The following ATP6V0D2 variants were observed in gnomAD, a reference collection of about 807,000 sequenced individuals.
ATP6V0D2 encodes ATPase H+ transporting V0 subunit d2, also known as V-type proton ATPase subunit d 2.
ATP6V0D2 carries 40 observed loss-of-function variants against 40.0 expected under a neutral mutation model. That is an observed-to-expected ratio of 1.00 (90% CI 0.78 to 1.30). The LOEUF (loss-of-function observed/expected upper bound fraction) is 1.30. Among genes scored for constraint, ATP6V0D2 ranks in the 50% most tolerant of loss-of-function variants. ATP6V0D2 has a pLI of 0.00. For missense variants in ATP6V0D2, 470 were observed against 423.1 expected (o/e 1.11, Z -0.97); for synonymous variants, 179 against 156.3 (o/e 1.15, Z -1.08).
intron 5 of ATP6V0D2, among the ~76,000 whole-genome samples, chr8:86,147,303 T>C (rs1031826430): frequency 1.3e-5 from 2 of 152,200 alleles, no homozygotes; most frequent in Non-Finnish European, 2.9e-5. Context: ...GTTTATGATG[T>C]GCAACCGATA....
chr8:86,118,623 C>T (rs1470195321), intron 2 of ATP6V0D2, among the ~76,000 whole-genome samples: 1 of 152,106 alleles, frequency 6.6e-6, no homozygotes, highest in East Asian at 1.9e-4. Flanking sequence ...GAGAGAGGCT[C>T]TGCAAGCAGT....
In ATP6V0D2 at chr8:86,113,769, C is replaced by A. The variant is rs752204228; in HGVS notation, c.191C>A (p.Pro64His). Residue 64 changes from proline to histidine, a missense_variant, in exon 2 of 8, where the codon CCT (proline) becomes CAT (histidine). By Grantham distance (77) the Pro-to-His change is moderately conservative (BLOSUM62 -2). Transcript: ENST00000285393. The part of the protein sequence containing the change: ...YGNFLANHTN[P>H]LTVSKIDTEM... ...AACTTTTTGGCTAATCACACAAATC[C>A]TCTTACTGTTTCCAAAATTGACACT... The A allele has an allele frequency of 9.3e-6, 15 of 1,613,784 alleles. No individual in the cohort carries two copies. Among genetic ancestry groups the A allele is most frequent in the Non-Finnish European group, 1.3e-5 (15 of 1,179,804 alleles).
At chr8:86,152,412 G>A (rs1190392702) in intron 7 of ATP6V0D2, among the ~76,000 whole-genome samples, 1 of 152,152 alleles carries the variant, frequency 6.6e-6, no homozygotes, top group African/African-American at 2.4e-5. Context: ...ATAGTAGGAT[G>A]ATTTATAATC....
At chr8:86,116,983 A>G (rs1415351986) in intron 2 of ATP6V0D2, among the ~76,000 whole-genome samples, 2 of 152,110 alleles carry the variant, frequency 1.3e-5, no homozygotes, top group Admixed American at 6.5e-5. Context: ...TGATCATTTC[A>G]TATTTATTAT....
chr8:86,118,872 T>G (rs1818630375), intron 2 of ATP6V0D2, among the ~76,000 whole-genome samples: 1 of 152,164 alleles, frequency 6.6e-6, no homozygotes, highest in Non-Finnish European at 1.5e-5. Flanking sequence ...CCATCACCAT[T>G]CTAAGGATGA....
intron 2 of ATP6V0D2, among the ~76,000 whole-genome samples, chr8:86,136,571 A>G (rs1369377198): frequency 1.3e-5 from 2 of 152,298 alleles, no homozygotes; most frequent in East Asian, 1.9e-4. Flanking sequence ...CTAAAATTCC[A>G]TAATGTCTAA....
chr8:86,129,935 C>CCACA (rs144267038), intron 2 of ATP6V0D2, among the ~76,000 whole-genome samples: 2,104 of 148,574 alleles, frequency 0.014, 62 homozygotes, highest in African/African-American at 0.049. Context: ...TGTGATTGTA[C>CCACA]CACAGCACTC....
At chr8:86,119,262 A>C (rs1818637207) in intron 2 of ATP6V0D2, among the ~76,000 whole-genome samples, 1 of 124,742 alleles carries the variant, frequency 8.0e-6, no homozygotes. Flanking sequence ...AGATGGAGTC[A>C]CTCTCACCCA....
rs1041907717 is a variant in ATP6V0D2 at position 86,151,538 on chromosome 8, G to A, written c.889G>A (p.Glu297Lys). ...ATTGGAGGACGTGTTTTACGAGCGT[G>A]AGGTATGATATAAGTGGAAATACTA... ...KTLEDVFYEREVQMNVLAFNR... is the reference protein window; with the variant it reads ...KTLEDVFYERKVQMNVLAFNR... The change falls in exon 7 of 8, where the codon GAG (glutamate) becomes AAG (lysine). Residue 297 changes from glutamate to lysine, a missense_variant and splice_region_variant. Coordinates refer to ENST00000285393, the MANE Select transcript of ATP6V0D2 (RefSeq NM_152565.1). 1 of 1,604,670 alleles carries A rather than the reference G, an allele frequency of 6.2e-7. No homozygotes were observed.
chr8:86,121,309 C>T (rs1290530240), intron 2 of ATP6V0D2, among the ~76,000 whole-genome samples: 1 of 152,118 alleles, frequency 6.6e-6, no homozygotes, highest in African/African-American at 2.4e-5. Flanking sequence ...GTGGCTCATG[C>T]CTGTAATCCC....
At chr8:86,126,392 C>T (rs938780846) in intron 2 of ATP6V0D2, among the ~76,000 whole-genome samples, 16 of 151,160 alleles carry the variant, frequency 1.1e-4, no homozygotes, top group African/African-American at 1.9e-4. Context: ...GCCCAGCATC[C>T]GTTGGCTACT....
chr8:86,153,091 A>G lies in ATP6V0D2; in HGVS notation c.*114A>G, dbSNP rs934384577. The G allele has an allele frequency of 1.5e-5, 13 of 878,556 alleles. No homozygotes were observed. The South Asian group carries it at 2.1e-4, about 14-fold the overall frequency. The allele number at this position is 878,556 out of a possible 1,614,324, so 54.4% of individuals were successfully genotyped here. On this transcript the variant is annotated 3_prime_UTR_variant, in exon 8 of 8. Transcript: ENST00000285393. ...ACTACACAAAAGTAAGCCACACTATATCTTCATGAGTTGCAAATCCATGGA... is the reference window on the plus strand; with the variant it reads ...ACTACACAAAAGTAAGCCACACTATGTCTTCATGAGTTGCAAATCCATGGA...
intron 1 of ATP6V0D2, among the ~76,000 whole-genome samples, chr8:86,106,934 G>T (rs963563319): frequency 5.3e-5 from 8 of 152,012 alleles, no homozygotes; most frequent in African/African-American, 1.9e-4. Context: ...ACTTTGGGAG[G>T]CCGAGGCAAG....
intron 3 of ATP6V0D2, among the ~76,000 whole-genome samples, chr8:86,140,804 A>T (rs1011710265): frequency 6.6e-6 from 1 of 152,130 alleles, no homozygotes; most frequent in Non-Finnish European, 1.5e-5. Flanking sequence ...TGGTTTCGGG[A>T]TGATTCAAAC....
At chr8:86,141,289 C>T (rs1381607782) in intron 3 of ATP6V0D2, among the ~76,000 whole-genome samples, 161 bp from the exon 4 acceptor site, 1 of 152,206 alleles carries the variant, frequency 6.6e-6, no homozygotes, top group Admixed American at 6.5e-5. Context: ...TAACTGCTTT[C>T]ACCCTCATTA....
In ATP6V0D2 at chr8:86,141,468, G is replaced by A. The variant is rs139832036; in HGVS notation, c.500G>A (p.Cys167Tyr). ...CTTTCAGCTCCATTCTTCCAAGACT[G>A]CATGTCTGAAAATGCTCTAGATGAA... ...ETPLAPFFQD[C>Y]MSENALDELN... The change falls in exon 4 of 8, where the codon TGC (cysteine) becomes TAC (tyrosine). Residue 167 changes from cysteine to tyrosine, a missense_variant. Transcript: ENST00000285393. 1.7e-5 allele frequency: 28 copies of A among 1,610,468 alleles called. No homozygotes were observed. The African/African-American group carries it at 3.5e-4, about 20-fold the overall frequency.
At chr8:86,117,993 T>C (rs1003254399) in intron 2 of ATP6V0D2, among the ~76,000 whole-genome samples, 1 of 147,692 alleles carries the variant, frequency 6.8e-6, no homozygotes, top group Admixed American at 6.9e-5. Flanking sequence ...TTTCTTTTCT[T>C]TCTCTTTGTT....
chr8:86,098,912 A>G lies in ATP6V0D2; in HGVS notation c.-67A>G, dbSNP rs1231408350. ...ACTCGCACTTTTCCCAGGCTAGTGC[A>G]AATCTTCAGGGGCCGTCCAGGACTA... On this transcript the variant is annotated 5_prime_UTR_variant, in exon 1 of 8. Transcript: ENST00000285393. 6 of 1,552,516 alleles carry G rather than the reference A, an allele frequency of 3.9e-6. No individual in the cohort carries two copies. The South Asian group carries it at 6.1e-5, about 16-fold the overall frequency.
At position 86,139,622 on chromosome 8, in the gene ATP6V0D2, C is replaced by G; in HGVS notation, c.468C>G (p.Ile156Met). The G allele has an allele frequency of 6.3e-7, 1 of 1,596,634 alleles. No individual in the cohort carries two copies. Among genetic ancestry groups the G allele is most frequent in the Non-Finnish European group, 8.5e-7 (1 of 1,172,812 alleles). Residue 156 changes from isoleucine (I) to methionine (M), a missense_variant, in exon 3 of 8, where the codon ATC becomes ATG. By Grantham distance (10) the Ile-to-Met change is conservative (BLOSUM62 1). Coordinates refer to ENST00000285393, the MANE Select transcript of ATP6V0D2 (RefSeq NM_152565.1). The stretch of plus-strand genomic sequence containing the variant: ...CAGATCTCTTTAATGCCATTCTGAT[C>G]GAAACGCCATTAGGTAGGAACACTT... ...TPSDLFNAILIETPLAPFFQD... is the reference protein window; with the variant it reads ...TPSDLFNAILMETPLAPFFQD...
Sources: allele counts gnomAD v4.1 joint callset (sites outside exome capture counted in the v4.1 genomes callset), GRCh38; gene constraint gnomAD v4.1.1; transcripts MANE v1.5; gene names NCBI Gene and HGNC (gene_info 2026-07-23, HGNC 2026-07-21).